The following SLC41A2 variants were observed in gnomAD, a reference collection of about 807,000 sequenced individuals.
The protein encoded by SLC41A2 is SLC41A1-like 1.
Under a neutral mutation model 58.3 loss-of-function variants are expected in SLC41A2, and 32 were observed. That is an observed-to-expected ratio of 0.55 (90% CI 0.41 to 0.74). The LOEUF (loss-of-function observed/expected upper bound fraction) is 0.74, where lower values mean the gene tolerates loss of function less well. Ranked by LOEUF, SLC41A2 falls within the 30% of genes least tolerant of loss-of-function variation. The pLI is 0.00. For synonymous variants in SLC41A2, 190 were observed against 235.0 expected, an observed-to-expected ratio of 0.81 and a Z score of 1.75; for missense variants, 514 against 680.6, an observed-to-expected ratio of 0.76 and a Z score of 2.72.
intron 10 of SLC41A2, among the ~76,000 whole-genome samples, chr12:104,838,832 G>A (rs2042303043): frequency 6.6e-6 from 1 of 152,114 alleles, no homozygotes; most frequent in South Asian, 2.1e-4. Flanking sequence ...AGATTCTTAA[G>A]GGCAGGGACA....
At chr12:104,916,123 C>G (rs1565898439) in intron 2 of SLC41A2, among the ~76,000 whole-genome samples, 1 of 152,142 alleles carries the variant, frequency 6.6e-6, no homozygotes, top group Non-Finnish European at 1.5e-5. Flanking sequence ...ATGAAGCCCA[C>G]TTGATCATGG....
At chr12:104,897,144 CTTTTTTTTT>C (rs71440558) in intron 3 of SLC41A2, among the ~76,000 whole-genome samples, 3 of 120,290 alleles carry the variant, frequency 2.5e-5, no homozygotes, top group Non-Finnish European at 3.3e-5. Context: ...TTTCTTTTTT[CTTTTTTTTT>C]TTTTTTTTTT....
intron 1 of SLC41A2, among the ~76,000 whole-genome samples, chr12:104,933,931 G>A (rs148278392): frequency 2.6e-4 from 39 of 152,090 alleles, no homozygotes; most frequent in South Asian, 1.2e-3. Flanking sequence ...GGGGGAGGGT[G>A]GGAGGAGGGT....
At chr12:104,880,139 T>A (rs914856212) in intron 6 of SLC41A2, among the ~76,000 whole-genome samples, 1 of 152,192 alleles carries the variant, frequency 6.6e-6, no homozygotes, top group African/African-American at 2.4e-5. Flanking sequence ...TGTATAGGGA[T>A]GCTTGTGATT....
At chr12:104,849,026 G>A (rs955431735) in intron 8 of SLC41A2, among the ~76,000 whole-genome samples, 1 of 152,032 alleles carries the variant, frequency 6.6e-6, no homozygotes, top group Non-Finnish European at 1.5e-5. Flanking sequence ...AAAAACCTAT[G>A]CAATTTGATC....
intron 1 of SLC41A2, among the ~76,000 whole-genome samples, chr12:104,946,689 T>C (rs1247211051): frequency 1.3e-5 from 2 of 152,216 alleles, no homozygotes; most frequent in African/African-American, 4.8e-5. Context: ...TTTACTGAGA[T>C]GTTTGCAATG....
chr12:104,857,719 G>A (rs2043068133), intron 8 of SLC41A2, among the ~76,000 whole-genome samples: 1 of 151,846 alleles, frequency 6.6e-6, no homozygotes, highest in South Asian at 2.1e-4. Flanking sequence ...CATGGATGAA[G>A]CTGGAAACCA....
intron 4 of SLC41A2, among the ~76,000 whole-genome samples, chr12:104,893,749 T>C (rs1396754742): frequency 6.6e-6 from 1 of 152,178 alleles, no homozygotes; most frequent in Non-Finnish European, 1.5e-5. Flanking sequence ...TGAAATAAGC[T>C]GAGCAGAAAA....
chr12:104,904,024 CTTCA>C (rs1314247743), intron 3 of SLC41A2, among the ~76,000 whole-genome samples: 1 of 152,138 alleles, frequency 6.6e-6, no homozygotes, highest in Non-Finnish European at 1.5e-5. Context: ...TTAAATTCAC[CTTCA>C]TTCAGGTTTA....
intron 6 of SLC41A2, among the ~76,000 whole-genome samples, chr12:104,867,318 C>A (rs2043515738): frequency 6.6e-6 from 1 of 152,004 alleles, no homozygotes; most frequent in Admixed American, 6.6e-5. Context: ...TTTAACTGAT[C>A]AAAGTTTCAT....
intron 1 of SLC41A2, among the ~76,000 whole-genome samples, chr12:104,941,757 T>G (rs949360888): frequency 1.3e-5 from 2 of 152,222 alleles, no homozygotes; most frequent in African/African-American, 4.8e-5. Flanking sequence ...AAATAGCTAA[T>G]GCATGTGGGG....
chr12:104,925,637 T>C (rs1020667887), intron 2 of SLC41A2, among the ~76,000 whole-genome samples: 1 of 152,236 alleles, frequency 6.6e-6, no homozygotes, highest in Admixed American at 6.5e-5. Flanking sequence ...TCCTTAGGGC[T>C]AGCACTGTAA....
At chr12:104,878,496 T>C (rs1036901757) in intron 6 of SLC41A2, among the ~76,000 whole-genome samples, 3 of 151,196 alleles carry the variant, frequency 2.0e-5, no homozygotes, top group Non-Finnish European at 2.9e-5. Context: ...TGGTGTGTGA[T>C]GTTCTCCACC....
At chr12:104,811,009 G>A (rs2041149520) in intron 10 of SLC41A2, among the ~76,000 whole-genome samples, 1 of 152,310 alleles carries the variant, frequency 6.6e-6, no homozygotes, top group Admixed American at 6.5e-5. Context: ...ATGTGAAAAT[G>A]TGTATCTCCT....
chr12:104,889,866 T>C (rs2044861889), intron 4 of SLC41A2, among the ~76,000 whole-genome samples: 1 of 152,100 alleles, frequency 6.6e-6, no homozygotes, highest in Non-Finnish European at 1.5e-5. Context: ...TATATAAATA[T>C]ATAAACTGCT....
Position 104,866,539 on chromosome 12 carries a change from G to C in SLC41A2, c.1068C>G (p.Phe356Leu), listed in dbSNP as rs770087040. Residue 356 changes from phenylalanine to leucine, a missense_variant, in exon 7 of 11, where the codon TTC becomes TTG. Phe to Leu is a conservative substitution (Grantham distance 22). Around this residue, in one of 3 missense-constraint regions of SLC41A2, gnomAD observed 336 missense variants for 430.0 expected, o/e 0.78. Coordinates refer to ENST00000258538, the MANE Select transcript of SLC41A2 (RefSeq NM_001352171.3). ...TAATCCAAATAGGGGTTAGAGCCAAGAAAAATACACCAACTAATGGAGAAA... is the reference window on the plus strand; with the variant it reads ...TAATCCAAATAGGGGTTAGAGCCAACAAAAATACACCAACTAATGGAGAAA... ...YYISPLVGVF[F>L]LALTPIWIII... 6.5e-7 allele frequency: 1 copy of C among 1,543,992 alleles called. No homozygotes were observed. The highest frequency in any genetic ancestry group is 8.7e-7 in the Non-Finnish European group (1 of 1,144,986).
At position 104,802,792 on chromosome 12, in the gene SLC41A2, T is replaced by G. The variant is rs774962719; in HGVS notation, c.*2360A>C. 6.6e-6 allele frequency: 1 copy of G among 152,174 alleles called. No individual in the cohort carries two copies. The highest frequency in any genetic ancestry group is 1.5e-5 in the Non-Finnish European group (1 of 68,012). 9.4% of individuals were successfully genotyped at this position (152,174 alleles called of 1,614,324 possible). A position where few individuals can be genotyped will look rare whatever the true frequency, so the allele number is the denominator to read the frequency against. ...TCCATAAAATGTAGTAATACTCTAT[T>G]GTACTTTTAAAAATCCTATTTTTGC... On this transcript the variant is annotated 3_prime_UTR_variant, in exon 11 of 11. Transcript: ENST00000258538.
intron 6 of SLC41A2, among the ~76,000 whole-genome samples, chr12:104,880,721 T>C (rs2135598524): frequency 6.6e-6 from 1 of 152,348 alleles, no homozygotes; most frequent in South Asian, 2.1e-4. Context: ...GTTTTGCCAG[T>C]ATTTTATTGA....
chr12:104,815,118 T>C (rs746983474), intron 10 of SLC41A2, among the ~76,000 whole-genome samples: 1 of 152,182 alleles, frequency 6.6e-6, no homozygotes. Flanking sequence ...TTCAAGCGGG[T>C]TTAAATTTAT....
Sources: gnomAD v4.1 joint callset for allele counts (sites outside exome capture counted in the v4.1 genomes callset) on GRCh38, gnomAD v4.1.1 for gene constraint, gnomAD v4.1.1 regional missense constraint, MANE v1.5 for transcripts, NCBI Gene and HGNC (gene_info 2026-07-23, HGNC 2026-07-21) for gene names.